The following OTUD7B variants were observed in gnomAD, a reference collection of about 807,000 sequenced individuals.
The protein encoded by OTUD7B is OTU domain-containing protein 7B.
OTUD7B carries 34 observed loss-of-function variants against 82.2 expected under a neutral mutation model. That is an observed-to-expected ratio of 0.41 (90% CI 0.31 to 0.55). The LOEUF is 0.55. Among genes scored for constraint, OTUD7B ranks in the 20% least tolerant of loss-of-function variants. OTUD7B has a pLI of 0.20. For missense variants in OTUD7B, 944 were observed against 1,062.1 expected, an observed-to-expected ratio of 0.89 and a Z score of 1.55; for synonymous variants, 398 against 402.7, an observed-to-expected ratio of 0.99 and a Z score of 0.14.
intron 8 of OTUD7B, 105 bp from the exon 9 acceptor site, chr1:149,949,883 A>G (rs1648054214): frequency 3.0e-6 from 4 of 1,336,820 alleles, no homozygotes; most frequent in Non-Finnish European, 3.1e-6. Flanking sequence ...TCATTCCAAC[A>G]TGTTTAATAA....
In OTUD7B at chr1:149,944,424, T is replaced by G. The variant is rs782747550; in HGVS notation, c.1965A>C (p.Gly655=). The part of the protein sequence containing the change: ...QKEAERKIMN[G]GIGGGPPPAK... Reference sequence around the variant, plus strand: ...CTGGAGGAGGGCCACCCCCTATTCCTCCATTCATGATCTTCCTCTCTGCCT... The same window carrying G: ...CTGGAGGAGGGCCACCCCCTATTCCGCCATTCATGATCTTCCTCTCTGCCT... Residue 655 remains glycine, a synonymous_variant, in exon 12 of 12, where the codon GGA becomes GGC. Transcript: ENST00000581312. The G allele has an allele frequency of 6.2e-7, 1 of 1,614,108 alleles. No individual in the cohort carries two copies. Among genetic ancestry groups the G allele is most frequent in the Non-Finnish European group, 8.5e-7 (1 of 1,180,006 alleles).
chr1:149,980,172 T>C (rs773905722), intron 1 of OTUD7B, among the ~76,000 whole-genome samples: 20 of 151,206 alleles, frequency 1.3e-4, no homozygotes, highest in Non-Finnish European at 2.6e-4. Context: ...CAGGCTATTC[T>C]TCTCAAAAAA....
At chr1:150,049,069 C>T in the OTUD7B span, among the ~76,000 whole-genome samples, 1 of 152,110 alleles carries the variant, frequency 6.6e-6, no homozygotes, top group Non-Finnish European at 1.5e-5. Flanking sequence ...AACTCCTGAC[C>T]TCAAGTGATC....
At chr1:149,950,975 GTA>G (rs1648181615) in intron 7 of OTUD7B, among the ~76,000 whole-genome samples, 2 of 12,244 alleles carry the variant, frequency 1.6e-4, no homozygotes, top group African/African-American at 8.8e-4. Flanking sequence ...TGTACTTTTT[GTA>G]TTTTTTTTTT....
chr1:149,988,223 A>G (rs1225925471), intron 1 of OTUD7B, among the ~76,000 whole-genome samples: 4 of 152,106 alleles, frequency 2.6e-5, no homozygotes, highest in Non-Finnish European at 5.9e-5. Flanking sequence ...TCTCAACTCA[A>G]TCATATAACC....
At position 149,948,805 on chromosome 1, in the gene OTUD7B, A is replaced by C. The variant is rs587678417; in HGVS notation, c.1238+164T>G. On this transcript the variant is annotated intron_variant, in intron 10 of 11. Transcript: ENST00000581312. ...AGGGAGAAAAAGCAGCTGCACCATG[A>C]AAGAGTCCTGGTGCCCAACCTCTCC... Among the ~76,000 whole-genome samples the C allele has an allele frequency of 3.9e-5, 6 of 152,276 alleles. No individual in the cohort carries two copies. In the South Asian group the frequency reaches 1.0e-3, roughly 26 times the overall value.
At chr1:149,960,413 T>TTTTTTTG (rs1366020859) in intron 6 of OTUD7B, among the ~76,000 whole-genome samples, 1,409 of 72,546 alleles carry the variant, frequency 0.019, 205 homozygotes, top group South Asian at 0.027. Context: ...TTTTTTTTTG[T>TTTTTTTG]AGACAGAGTC....
the OTUD7B span, among the ~76,000 whole-genome samples, chr1:150,039,999 A>G: frequency 1.3e-3 from 204 of 152,304 alleles, no homozygotes; most frequent in Middle Eastern, 0.024. Flanking sequence ...TCCATTGGCT[A>G]AGACCTCTAG....
intron 1 of OTUD7B, among the ~76,000 whole-genome samples, chr1:149,993,224 G>A (rs1553782579): frequency 6.6e-6 from 1 of 152,164 alleles, no homozygotes; most frequent in Non-Finnish European, 1.5e-5. Context: ...TTTATTTGTA[G>A]GGAGGCAATA....
At chr1:149,994,212 T>G (rs1342989498) in intron 1 of OTUD7B, among the ~76,000 whole-genome samples, 1 of 147,378 alleles carries the variant, frequency 6.8e-6, no homozygotes, top group Non-Finnish European at 1.5e-5. Context: ...TACTTTCAAA[T>G]GTATTATTAC....
chr1:150,002,200 T>C (rs991710134), intron 1 of OTUD7B, among the ~76,000 whole-genome samples: 1 of 68,746 alleles, frequency 1.5e-5, no homozygotes, highest in Admixed American at 2.2e-4. Flanking sequence ...AAATTTTGTT[T>C]AGATATTCTT....
chr1:150,059,306 C>CCCA, the OTUD7B span, among the ~76,000 whole-genome samples: 4 of 42,286 alleles, frequency 9.5e-5, no homozygotes, highest in African/African-American at 4.3e-4. Context: ...ACCCCCCCCC[C>CCCA]CCCCGCCTCC....
chr1:150,037,749 C>T, the OTUD7B span, among the ~76,000 whole-genome samples: 2 of 151,666 alleles, frequency 1.3e-5, no homozygotes, highest in East Asian at 1.9e-4. Flanking sequence ...GCCACCATGC[C>T]CAACTAATTT....
intron 1 of OTUD7B, among the ~76,000 whole-genome samples, chr1:150,004,586 C>CATAA (rs1265111010): frequency 1.2e-3 from 181 of 150,564 alleles, no homozygotes; most frequent in African/African-American, 4.0e-3. Flanking sequence ...TAAATAAATA[C>CATAA]ATAAATAAAT....
intron 11 of OTUD7B, among the ~76,000 whole-genome samples, chr1:149,945,611 C>T (rs1476372309): frequency 1.3e-5 from 2 of 152,164 alleles, no homozygotes; most frequent in East Asian, 1.9e-4. Context: ...TTTGACCCTA[C>T]TCCTGTGCTC....
intron 7 of OTUD7B, among the ~76,000 whole-genome samples, chr1:149,959,230 AG>A (rs1648956336): frequency 1.0e-3 from 1 of 978 alleles, no homozygotes. Context: ...CAAAAAAAAA[AG>A]AAAAAAAAGA....
chr1:149,949,705 A>C lies in OTUD7B; in HGVS notation c.1047T>G (p.Pro349=). ...GGGCCTGATCATAGGCGAGCACCAG[A>C]GGGGAGCGGTGACACTGGCTGGCTG... ...EVPASQCHRS[P]LVLAYDQAHF... Residue 349 remains proline, a synonymous_variant, in exon 9 of 12, where the codon CCT becomes CCG. Coordinates refer to ENST00000581312, the MANE Select transcript of OTUD7B (RefSeq NM_020205.4). The C allele has an allele frequency of 6.2e-7, 1 of 1,614,182 alleles. No individual in the cohort carries two copies. The highest frequency in any genetic ancestry group is 2.2e-5 in the East Asian group (1 of 44,880).
chr1:149,977,107 C>A (rs1018133503), intron 2 of OTUD7B, among the ~76,000 whole-genome samples: 1 of 151,860 alleles, frequency 6.6e-6, no homozygotes, highest in Admixed American at 6.6e-5. Flanking sequence ...GGCAACAGAG[C>A]GAGACTCTGT....
chr1:150,003,365 T>C (rs1306782276), intron 1 of OTUD7B, among the ~76,000 whole-genome samples: 1 of 152,128 alleles, frequency 6.6e-6, no homozygotes, highest in Non-Finnish European at 1.5e-5. Context: ...CCTGAAGAAG[T>C]CTGGCCTTCA....
Sources: allele counts gnomAD v4.1 joint callset (sites outside exome capture counted in the v4.1 genomes callset), GRCh38; gene constraint gnomAD v4.1.1; transcripts MANE v1.5; gene names NCBI Gene and HGNC (gene_info 2026-07-23, HGNC 2026-07-21).